RLIM: variants seen among roughly 807,000 people sequenced by gnomAD.
RLIM encodes the protein E3 ubiquitin-protein ligase RLIM.
In RLIM, 2 loss-of-function variants were observed where a neutral mutation model predicts 34.0. The ratio of observed to expected loss-of-function variants is 0.06; its 90% CI spans 0.02 to 0.19. The LOEUF (loss-of-function observed/expected upper bound fraction) is 0.19. Ranked by LOEUF, RLIM falls within the 10% of genes least tolerant of loss-of-function variation. The pLI, the probability that RLIM is intolerant of heterozygous loss-of-function variation, is 1.00. For synonymous variants in RLIM, 169 were observed against 164.0 expected (o/e 1.03, Z -0.23); for missense variants, 286 against 479.7 (o/e 0.60, Z 3.77).
chrX:74,607,560 T>C (rs1906450922), intron 1 of RLIM, among the ~76,000 whole-genome samples: 1 of 112,402 alleles, frequency 8.9e-6, no homozygotes, highest in Non-Finnish European at 1.9e-5. Flanking sequence ...AATACAAAAA[T>C]TTGCCAGGCA....
At chrX:74,600,608 A>AGG (rs2079657311) in intron 1 of RLIM, among the ~76,000 whole-genome samples, 1 of 111,431 alleles carries the variant, frequency 9.0e-6, no homozygotes, top group African/African-American at 3.3e-5. Flanking sequence ...AAATCTTCCA[A>AGG]AGAAGGCAAA....
chrX:74,612,759 A>G (rs2079717067), intron 1 of RLIM: 1 of 111,204 alleles, frequency 9.0e-6, no homozygotes. Context: ...CTAATTCAAT[A>G]TTAGTATTAG....
Position 74,590,936 on chromosome X carries a change from T to C in RLIM, c.*504A>G, listed in dbSNP as rs957922374. 3 of 123,240 alleles carry C rather than the reference T, an allele frequency of 2.4e-5. No homozygotes were observed. The highest frequency in any genetic ancestry group is 9.6e-5 in the African/African-American group (3 of 31,147). 10.2% of individuals were successfully genotyped at this position (123,240 alleles called of 1,213,427 possible). A position where few individuals can be genotyped will look rare whatever the true frequency, so the allele number is the denominator to read the frequency against. ...GTGTTATTTACACTGACATGTCCAG[T>C]ATCACCAAGTCTGAAAGGTGAACAA... is the stretch of plus-strand genomic sequence containing the variant. On this transcript the variant is annotated 3_prime_UTR_variant, in exon 4 of 4. Coordinates refer to ENST00000332687, the MANE Select transcript of RLIM (RefSeq NM_016120.4).
intron 1 of RLIM, among the ~76,000 whole-genome samples, chrX:74,599,353 G>A (rs1329014421): frequency 9.0e-6 from 1 of 111,578 alleles, no homozygotes; most frequent in Non-Finnish European, 1.9e-5. Context: ...AAAATACAGG[G>A]AGACTACAAA....
Position 74,591,781 on chromosome X carries a change from C to A in RLIM, c.1534G>T (p.Gly512Cys). ...AATGTGACTGGGGCCCTATGTCGAC[C>A]CTCTCGCCTGGCACCTGATGAGCCT... The part of the protein sequence containing the change: ...SSGSSGARRE[G>C]RHRAPVTFDE... Residue 512 changes from glycine to cysteine, a missense_variant, in exon 4 of 4, where the codon GGT (glycine) becomes TGT (cysteine). Gly to Cys is a radical substitution (Grantham distance 159, BLOSUM62 -3). Coordinates refer to ENST00000332687, the MANE Select transcript of RLIM (RefSeq NM_016120.4). The A allele has an allele frequency of 8.3e-7, 1 of 1,211,249 alleles. No individual in the cohort carries two copies. The highest frequency in any genetic ancestry group is 1.1e-6 in the Non-Finnish European group (1 of 895,371).
At chrX:74,604,909 T>C (rs1325319390) in intron 1 of RLIM, among the ~76,000 whole-genome samples, 2 of 111,486 alleles carry the variant, frequency 1.8e-5, no homozygotes, top group Non-Finnish European at 3.8e-5. Flanking sequence ...CCTGCTACCC[T>C]TCCATATATA....
chrX:74,607,085 T>A (rs1361214401), intron 1 of RLIM, among the ~76,000 whole-genome samples: 1 of 105,563 alleles, frequency 9.5e-6, no homozygotes, highest in African/African-American at 3.5e-5. Context: ...GAGGTTGCAG[T>A]GAACTCAGAT....
rs1931335673 is a variant in RLIM at position 74,585,790 on chromosome X, A to T, written c.*5650T>A. 2 of 111,911 alleles carry T rather than the reference A, an allele frequency of 1.8e-5. No homozygotes were observed. Among genetic ancestry groups the T allele is most frequent in the African/African-American group, 6.5e-5 (2 of 30,787 alleles). The allele number at this position is 111,911 out of a possible 1,213,427, so 9.2% of individuals were successfully genotyped here. Reference sequence around the variant, plus strand: ...AGGTTTAAATTGAAAGAAAATGAGAAACCAGATAAAGCAAGCCAACCAAAT... The same window carrying T: ...AGGTTTAAATTGAAAGAAAATGAGATACCAGATAAAGCAAGCCAACCAAAT... On this transcript the variant is annotated 3_prime_UTR_variant, in exon 4 of 4. Coordinates refer to ENST00000332687, the MANE Select transcript of RLIM (RefSeq NM_016120.4).
At chrX:74,610,309 C>T (rs1427250503) in intron 1 of RLIM, among the ~76,000 whole-genome samples, 8 of 109,777 alleles carry the variant, frequency 7.3e-5, no homozygotes, top group African/African-American at 2.0e-4. Context: ...CCCAGCTACT[C>T]GGGAGGCTGA....
At chrX:74,603,283 T>A (rs1249164902) in intron 1 of RLIM, among the ~76,000 whole-genome samples, 1 of 109,945 alleles carries the variant, frequency 9.1e-6, no homozygotes, top group Non-Finnish European at 1.9e-5. Flanking sequence ...TCCCCCAACA[T>A]ACCTTGTGCT....
chrX:74,595,683 T>C, intron 2 of RLIM, 126 bp downstream of exon 2: 2 of 436,215 alleles, frequency 4.6e-6, no homozygotes, highest in Non-Finnish European at 7.7e-6. Context: ...TAAATGTCAT[T>C]CCATATCCCC....
intron 1 of RLIM, among the ~76,000 whole-genome samples, chrX:74,612,251 T>C (rs2079714915): frequency 8.9e-6 from 1 of 112,329 alleles, no homozygotes; most frequent in African/African-American, 3.2e-5. Flanking sequence ...ATTTAAATGT[T>C]ATTTTACTTA....
In RLIM at chrX:74,589,837, T is replaced by C. The variant is rs1172906542; in HGVS notation, c.*1603A>G. On this transcript the variant is annotated 3_prime_UTR_variant, in exon 4 of 4. Transcript: ENST00000332687. Reference sequence around the variant, plus strand: ...CCCCAGCTAGTCTCAAAAAAGAAATTAGGCAAGAAGACTGGGGTTATCATG... The same window carrying C: ...CCCCAGCTAGTCTCAAAAAAGAAATCAGGCAAGAAGACTGGGGTTATCATG... The C allele has an allele frequency of 8.9e-6, 1 of 111,978 alleles. No homozygotes were observed. Among genetic ancestry groups the C allele is most frequent in the Non-Finnish European group, 1.9e-5 (1 of 53,169 alleles). 9.2% of individuals were successfully genotyped at this position (111,978 alleles called of 1,213,427 possible).
In RLIM at chrX:74,585,572, A is replaced by G. The variant is rs1931328421; in HGVS notation, c.*5868T>C. The G allele has an allele frequency of 8.9e-6, 1 of 112,220 alleles. No homozygotes were observed. The highest frequency in any genetic ancestry group is 9.5e-5 in the Admixed American group (1 of 10,523). 9.2% of individuals were successfully genotyped at this position (112,220 alleles called of 1,213,427 possible). On this transcript the variant is annotated 3_prime_UTR_variant, in exon 4 of 4. Coordinates refer to ENST00000332687, the MANE Select transcript of RLIM (RefSeq NM_016120.4). Reference sequence around the variant, plus strand: ...ACATAGGGAAAAAAGCTTCTTCCTAAAAGATAACTATTAATAATCAAACCA... The same window carrying G: ...ACATAGGGAAAAAAGCTTCTTCCTAGAAGATAACTATTAATAATCAAACCA...
In RLIM at chrX:74,592,505, T is replaced by G; in HGVS notation, c.810A>C (p.Thr270=). ...CAGGCCCAGATATTTGCTGCCTCAA[T>G]GTCACATGGTGCCGGGTTCTAGAAC... The part of the protein sequence containing the change: ...EGSSRTRHHV[T]LRQQISGPEL... The change falls in exon 4 of 4, where the codon ACA becomes ACC. Residue 270 remains threonine, a synonymous_variant. Transcript: ENST00000332687. 1 of 1,211,969 alleles carries G rather than the reference T, an allele frequency of 8.3e-7. No homozygotes were observed. The highest frequency in any genetic ancestry group is 1.7e-5 in the African/African-American group (1 of 57,906).
chrX:74,596,339 G>A (rs1311385956), intron 1 of RLIM, among the ~76,000 whole-genome samples: 1 of 112,151 alleles, frequency 8.9e-6, no homozygotes, highest in East Asian at 2.8e-4. Flanking sequence ...TCCACCTCCT[G>A]GGTTCAAGTG....
chrX:74,583,615 G>A lies in RLIM; in HGVS notation c.*7825C>T, dbSNP rs1931272869. ...AAACACCTTGATACCGTTTGCCCTAGGGCTGATTACAAGGTACACTTAAAC... is the reference window on the plus strand; with the variant it reads ...AAACACCTTGATACCGTTTGCCCTAAGGCTGATTACAAGGTACACTTAAAC... On this transcript the variant is annotated 3_prime_UTR_variant, in exon 4 of 4. Transcript: ENST00000332687. 2.3e-6 allele frequency: 1 copy of A among 443,381 alleles called. No homozygotes were observed. The highest frequency in any genetic ancestry group is 2.4e-5 in the African/African-American group (1 of 41,063). The allele number at this position is 443,381 out of a possible 1,213,427, so 36.5% of individuals were successfully genotyped here. A position where few individuals can be genotyped will look rare whatever the true frequency, so the allele number is the denominator to read the frequency against.
intron 1 of RLIM, among the ~76,000 whole-genome samples, chrX:74,614,055 G>A (rs984347795): frequency 3.6e-5 from 4 of 109,822 alleles, no homozygotes; most frequent in South Asian, 3.9e-4. Flanking sequence ...AGCCTCCAGA[G>A]AACAGAGAAG....
rs1275205877 is a variant in RLIM at position 74,586,698 on chromosome X, GA to G, written c.*4741del. The G allele has an allele frequency of 8.9e-6, 1 of 112,437 alleles. No homozygotes were observed. Among genetic ancestry groups the G allele is most frequent in the Non-Finnish European group, 1.9e-5 (1 of 53,308 alleles). 9.3% of individuals were successfully genotyped at this position (112,437 alleles called of 1,213,427 possible). ...AAATTTTAGAACTGTTCCAGTTAAGGAAAATAATTCTTAATTTCATAATCCT... is the reference window on the plus strand; with the variant it reads ...AAATTTTAGAACTGTTCCAGTTAAGGAAATAATTCTTAATTTCATAATCCT... On this transcript the variant is annotated 3_prime_UTR_variant, in exon 4 of 4. Coordinates refer to ENST00000332687, the MANE Select transcript of RLIM (RefSeq NM_016120.4).
Sources: gnomAD v4.1 joint callset for allele counts (sites outside exome capture counted in the v4.1 genomes callset) on GRCh38, gnomAD v4.1.1 for gene constraint, MANE v1.5 for transcripts, NCBI Gene and HGNC (gene_info 2026-07-23, HGNC 2026-07-21) for gene names.